The following LIN7A variants were observed in gnomAD, a reference collection of about 807,000 sequenced individuals.
The protein encoded by LIN7A is lin-7 cell polarity scaffold A, also known as protein lin-7 homolog A.
LIN7A carries 25 observed loss-of-function variants against 29.8 expected under a neutral mutation model. The ratio of observed to expected loss-of-function variants is 0.84; its 90% CI spans 0.61 to 1.17. LIN7A has a LOEUF of 1.17. Ranked by LOEUF, LIN7A falls within the 50% of genes most tolerant of loss-of-function variation. The pLI is 0.00. For synonymous variants in LIN7A, 118 were observed against 107.5 expected (o/e 1.10, Z -0.60); for missense variants, 239 against 287.0 (o/e 0.83, Z 1.21).
In LIN7A at chr12:80,853,520, A is replaced by T. The variant is rs372426896; in HGVS notation, c.202-5198T>A. On this transcript the variant is annotated intron_variant, in intron 2 of 5. Coordinates refer to ENST00000552864, the MANE Select transcript of LIN7A (RefSeq NM_004664.4). ...GGTTAAGTATTTGAACAGGTACATT[A>T]TCATGGAAGATATATGGGTAGCAAA... Among the ~76,000 whole-genome samples the T allele has an allele frequency of 2.9e-3, 437 of 152,342 alleles. 1 individual carries two copies. Among genetic ancestry groups the T allele is most frequent in the African/African-American group, 9.7e-3 (404 of 41,578 alleles).
chr12:80,935,390 T>G (rs1041120779), intron 1 of LIN7A, among the ~76,000 whole-genome samples: 1 of 152,080 alleles, frequency 6.6e-6, no homozygotes, highest in Non-Finnish European at 1.5e-5. Context: ...TTAATTGAAT[T>G]ATAGACTGCT....
intron 5 of LIN7A, among the ~76,000 whole-genome samples, chr12:80,803,942 T>A (rs1870843336): frequency 6.6e-6 from 1 of 152,180 alleles, no homozygotes; most frequent in East Asian, 1.9e-4. Flanking sequence ...GCAATATGAA[T>A]AAGAGCAAGA....
At chr12:80,882,523 A>G (rs1399378795) in intron 2 of LIN7A, among the ~76,000 whole-genome samples, 2 of 151,230 alleles carry the variant, frequency 1.3e-5, no homozygotes, top group Non-Finnish European at 3.0e-5. Context: ...TGACCTCGTG[A>G]TCCGCCCGCC....
intron 2 of LIN7A, among the ~76,000 whole-genome samples, chr12:80,868,401 T>C (rs1026851390): frequency 6.6e-6 from 1 of 152,174 alleles, no homozygotes; most frequent in Non-Finnish European, 1.5e-5. Flanking sequence ...ACACCCCATC[T>C]CTACTAAAAA....
chr12:80,798,939 G>A (rs184650393), intron 5 of LIN7A, among the ~76,000 whole-genome samples: 61 of 152,234 alleles, frequency 4.0e-4, no homozygotes, highest in Non-Finnish European at 1.2e-4. Flanking sequence ...CCTCATGTGA[G>A]CCAGTCTGGT....
chr12:80,873,839 T>C (rs1477386028), intron 2 of LIN7A, among the ~76,000 whole-genome samples: 1 of 151,438 alleles, frequency 6.6e-6, no homozygotes, highest in Non-Finnish European at 1.5e-5. Context: ...TACTTGTTTA[T>C]CTGATTTTTA....
At chr12:80,834,272 A>AT (rs1239158885) in intron 4 of LIN7A, among the ~76,000 whole-genome samples, 4 of 152,192 alleles carry the variant, frequency 2.6e-5, no homozygotes, top group Admixed American at 6.6e-5. Context: ...ACATATACAG[A>AT]TTTTGACTTC....
chr12:80,854,362 C>T (rs987431191), intron 2 of LIN7A, among the ~76,000 whole-genome samples: 4 of 151,610 alleles, frequency 2.6e-5, no homozygotes, highest in Non-Finnish European at 5.9e-5. Context: ...ATCACTTGAG[C>T]GCAGGTATTC....
At chr12:80,856,123 T>C (rs1027577200) in intron 2 of LIN7A, among the ~76,000 whole-genome samples, 4 of 152,132 alleles carry the variant, frequency 2.6e-5, no homozygotes, top group Admixed American at 1.3e-4. Flanking sequence ...AAAAATTAAA[T>C]GGCAATGGTA....
At chr12:80,876,671 C>A (rs1291867968) in intron 2 of LIN7A, among the ~76,000 whole-genome samples, 1 of 152,098 alleles carries the variant, frequency 6.6e-6, no homozygotes, top group African/African-American at 2.4e-5. Context: ...ATGATAACTG[C>A]AATAAGACCC....
intron 2 of LIN7A, among the ~76,000 whole-genome samples, chr12:80,888,027 G>T (rs1021188682): frequency 2.0e-5 from 3 of 152,108 alleles, no homozygotes; most frequent in Non-Finnish European, 4.4e-5. Flanking sequence ...GCAGTTTTGA[G>T]ATATTTTATA....
chr12:80,834,357 A>G (rs1592875288), intron 4 of LIN7A, among the ~76,000 whole-genome samples: 2 of 152,194 alleles, frequency 1.3e-5, no homozygotes, highest in Admixed American at 1.3e-4. Context: ...ATATATTTAC[A>G]CAGTTGGTGA....
intron 5 of LIN7A, among the ~76,000 whole-genome samples, chr12:80,805,948 C>T (rs1355414191): frequency 1.5e-5 from 1 of 67,716 alleles, no homozygotes; most frequent in Non-Finnish European, 3.9e-5. Context: ...CATGGTGGCT[C>T]ACATCTGTAA....
intron 3 of LIN7A, 83 bp downstream of exon 3, chr12:80,848,168 G>A (rs1341468962): frequency 2.0e-6 from 2 of 999,936 alleles, no homozygotes; most frequent in Non-Finnish European, 3.2e-6. Flanking sequence ...GTGTACACAC[G>A]AGAATACCTG....
At chr12:80,848,017 TTAAG>T (rs1427887525) in intron 3 of LIN7A, 2 of 625,460 alleles carry the variant, frequency 3.2e-6, no homozygotes, top group African/African-American at 1.8e-5. Context: ...CAAATGGACA[TTAAG>T]TGAGTTTAAT....
chr12:80,851,120 G>T (rs896176934), intron 2 of LIN7A, among the ~76,000 whole-genome samples: 3 of 151,992 alleles, frequency 2.0e-5, no homozygotes, highest in Non-Finnish European at 2.9e-5. Flanking sequence ...TACTATTTTG[G>T]CAGTATCAGT....
chr12:80,809,699 T>C (rs1871197410), intron 5 of LIN7A, among the ~76,000 whole-genome samples: 1 of 152,214 alleles, frequency 6.6e-6, no homozygotes, highest in Non-Finnish European at 1.5e-5. Flanking sequence ...GATAAGGGCA[T>C]AGGGCATAGT....
intron 5 of LIN7A, among the ~76,000 whole-genome samples, chr12:80,809,333 T>C (rs1220567305): frequency 1.3e-5 from 2 of 152,184 alleles, no homozygotes; most frequent in Non-Finnish European, 2.9e-5. Context: ...ATATTTCTGT[T>C]TGTGCAAATA....
intron 4 of LIN7A, among the ~76,000 whole-genome samples, chr12:80,833,894 A>T (rs1268103688): frequency 6.6e-6 from 1 of 152,196 alleles, no homozygotes; most frequent in Non-Finnish European, 1.5e-5. Context: ...AAATGGCAAT[A>T]ACCGGCTAGA....
Sources: gnomAD v4.1 joint callset for allele counts (sites outside exome capture counted in the v4.1 genomes callset) on GRCh38, gnomAD v4.1.1 for gene constraint, MANE v1.5 for transcripts, NCBI Gene and HGNC (gene_info 2026-07-23, HGNC 2026-07-21) for gene names.